Variants in SLC12A6 observed in about 807,000 individuals in gnomAD.
SLC12A6 encodes the protein K-Cl cotransporter 3.
SLC12A6 carries 66 observed loss-of-function variants against 135.3 expected under a neutral mutation model. The observed-to-expected ratio is 0.49, with a 90% CI of 0.40 to 0.60. SLC12A6 has a LOEUF of 0.60. SLC12A6 is among the 20% of genes least tolerant of loss of function. SLC12A6 has a pLI of 0.00. For missense variants in SLC12A6, 1,058 were observed against 1,452.3 expected, an observed-to-expected ratio of 0.73 and a Z score of 4.41; for synonymous variants, 513 against 508.8, an observed-to-expected ratio of 1.01 and a Z score of -0.11.
chr15:34,290,494 T>C (rs1344663620), intron 2 of SLC12A6, among the ~76,000 whole-genome samples: 3 of 152,288 alleles, frequency 2.0e-5, no homozygotes, highest in Non-Finnish European at 4.4e-5. Context: ...ATCTATTAGG[T>C]TCACTTGGTG....
chr15:34,299,837 T>C (rs1566851333), intron 2 of SLC12A6, among the ~76,000 whole-genome samples: 1 of 152,086 alleles, frequency 6.6e-6, no homozygotes, highest in Non-Finnish European at 1.5e-5. Context: ...TTTGTCAGCA[T>C]GGGGAGACAT....
At chr15:34,260,197 TAC>T (rs929412683) in intron 4 of SLC12A6, among the ~76,000 whole-genome samples, 7 of 152,098 alleles carry the variant, frequency 4.6e-5, no homozygotes, top group South Asian at 2.1e-4. Flanking sequence ...CATAAATATA[TAC>T]AGTTATTATT....
intron 2 of SLC12A6, among the ~76,000 whole-genome samples, chr15:34,284,214 G>A (rs574466134): frequency 7.2e-5 from 11 of 151,892 alleles, no homozygotes; most frequent in Admixed American, 4.6e-4. Flanking sequence ...GATATCTTAC[G>A]GAAAGAGAGC....
intron 5 of SLC12A6, 26 bp from the exon 6 acceptor site, chr15:34,257,814 A>G (rs1372773834): frequency 6.5e-7 from 1 of 1,546,246 alleles, no homozygotes; most frequent in South Asian, 1.1e-5. Flanking sequence ...TTGATAAAAA[A>G]TCACACAGTT....
At chr15:34,295,937 T>C (rs917579334) in intron 2 of SLC12A6, among the ~76,000 whole-genome samples, 9 of 151,554 alleles carry the variant, frequency 5.9e-5, no homozygotes, top group African/African-American at 1.7e-4. Flanking sequence ...GAGAAGGAGG[T>C]TGCAATGAGC....
intron 2 of SLC12A6, among the ~76,000 whole-genome samples, chr15:34,285,509 T>C (rs1331893046): frequency 7.3e-6 from 1 of 136,408 alleles, no homozygotes; most frequent in Non-Finnish European, 1.5e-5. Context: ...CTTATGATGG[T>C]TTTTTTTTTT....
At chr15:34,285,908 T>A (rs978610225) in intron 2 of SLC12A6, among the ~76,000 whole-genome samples, 1 of 151,780 alleles carries the variant, frequency 6.6e-6, no homozygotes, top group African/African-American at 2.4e-5. Context: ...AACAGAATGG[T>A]GGTTAACGGG....
At chr15:34,324,259 A>G (rs1369043840) in intron 2 of SLC12A6, among the ~76,000 whole-genome samples, 2 of 152,228 alleles carry the variant, frequency 1.3e-5, no homozygotes, top group African/African-American at 4.8e-5. Context: ...ATAAACAGGA[A>G]TCATACAGGT....
intron 2 of SLC12A6, among the ~76,000 whole-genome samples, chr15:34,311,329 A>G (rs1337815938): frequency 1.3e-5 from 2 of 152,176 alleles, no homozygotes; most frequent in Non-Finnish European, 2.9e-5. Context: ...TTATTTTTTA[A>G]TACATATATT....
At position 34,277,510 on chromosome 15, in the gene SLC12A6, T is replaced by TAGGA. The variant is rs376101961; in HGVS notation, c.272-2125_272-2122dup. On this transcript the variant is annotated intron_variant, in intron 2 of 25. Transcript: ENST00000354181. ...GAATGTTCTTGCACATAAGACAAAA[T>TAGGA]AGGAATAACAGTTCTGTAGTCACTC... 7.1e-3 allele frequency among the ~76,000 whole-genome samples: 1,077 copies of TAGGA among 151,518 alleles called. 9 individuals are homozygous for TAGGA. The highest frequency in any genetic ancestry group is 0.025 in the African/African-American group (1,045 of 41,270).
intron 1 of SLC12A6, chr15:34,337,030 G>A (rs1158350023): frequency 8.5e-6 from 3 of 352,414 alleles, no homozygotes; most frequent in Non-Finnish European, 1.6e-5. Flanking sequence ...ATGGTCTCAG[G>A]GCAGCAGATG....
chr15:34,302,529 C>T (rs1436727721), intron 2 of SLC12A6, among the ~76,000 whole-genome samples: 2 of 151,888 alleles, frequency 1.3e-5, no homozygotes, highest in Non-Finnish European at 2.9e-5. Context: ...AACCCCATTT[C>T]TACAAAAATA....
chr15:34,256,408 T>A, intron 6 of SLC12A6, 125 bp from the exon 7 acceptor site: 2 of 706,538 alleles, frequency 2.8e-6, no homozygotes, highest in South Asian at 3.0e-5. Flanking sequence ...TGGACAGTCA[T>A]ACCTAATGGT....
At chr15:34,335,347 C>T (rs2141205499) in intron 2 of SLC12A6, among the ~76,000 whole-genome samples, 1 of 152,288 alleles carries the variant, frequency 6.6e-6, no homozygotes, top group Non-Finnish European at 1.5e-5. Context: ...TAAAATCATT[C>T]TGGTTTCCTG....
chr15:34,274,527 T>G (rs1894167160), intron 3 of SLC12A6, among the ~76,000 whole-genome samples: 1 of 152,176 alleles, frequency 6.6e-6, no homozygotes, highest in Non-Finnish European at 1.5e-5. Flanking sequence ...GTGAAATTCC[T>G]GTCAAGGCCG....
intron 2 of SLC12A6, among the ~76,000 whole-genome samples, chr15:34,327,680 G>A (rs985403652): frequency 4.0e-5 from 6 of 151,834 alleles, no homozygotes; most frequent in Admixed American, 3.9e-4. Flanking sequence ...AATTAGATAT[G>A]GTAAATGCAA....
In SLC12A6 at chr15:34,291,328, G is replaced by A. The variant is rs150428816; in HGVS notation, c.272-15939C>T. Among the ~76,000 whole-genome samples, 634 of 152,326 alleles carry A rather than the reference G, an allele frequency of 4.2e-3. 2 individuals carry two copies. Among genetic ancestry groups the A allele is most frequent in the Middle Eastern group, 6.8e-3 (2 of 294 alleles). On this transcript the variant is annotated intron_variant, in intron 2 of 25. Coordinates refer to ENST00000354181, the MANE Select transcript of SLC12A6 (RefSeq NM_001365088.1). ...GTTGGCTCCCACTCTCTTCTGGCTTGTAGGGTTTCTGCTGAGAGATGCACT... is the reference window on the plus strand; with the variant it reads ...GTTGGCTCCCACTCTCTTCTGGCTTATAGGGTTTCTGCTGAGAGATGCACT...
chr15:34,313,472 C>A (rs74550439), intron 2 of SLC12A6, among the ~76,000 whole-genome samples: 4,147 of 152,218 alleles, frequency 0.027, 192 homozygotes, highest in African/African-American at 0.095. Context: ...TTGAAGCTAA[C>A]AGAAGTTGGT....
Position 34,271,602 on chromosome 15 carries a change from T to TACAC in SLC12A6, c.316+3739_316+3742dup, listed in dbSNP as rs10588100. Among the ~76,000 whole-genome samples the TACAC allele has an allele frequency of 7.3e-3, 1,083 of 148,934 alleles. 8 individuals carry two copies. The highest frequency in any genetic ancestry group is 0.017 in the African/African-American group (706 of 40,368). The stretch of plus-strand genomic sequence containing the variant: ...CTAAAAATTTTTTTAAGTGCAAAGC[T>TACAC]ACACACACACACACACACACACACA... On this transcript the variant is annotated intron_variant, in intron 3 of 25. Coordinates refer to ENST00000354181, the MANE Select transcript of SLC12A6 (RefSeq NM_001365088.1).
Sources: allele counts gnomAD v4.1 joint callset (sites outside exome capture counted in the v4.1 genomes callset), GRCh38; gene constraint gnomAD v4.1.1; transcripts MANE v1.5; gene names NCBI Gene and HGNC (gene_info 2026-07-23, HGNC 2026-07-21).